Variants in TBC1D32 observed in about 807,000 individuals in gnomAD.
TBC1D32 encodes TBC1 domain family member 32, also known as protein broad-minded.
TBC1D32 carries 151 observed loss-of-function variants against 170.3 expected under a neutral mutation model. The ratio of observed to expected loss-of-function variants is 0.89; its 90% CI spans 0.78 to 1.01. The LOEUF is 1.01. Among genes scored for constraint, TBC1D32 ranks in the 50% least tolerant of loss-of-function variants. The pLI is 0.00. For synonymous variants in TBC1D32, 498 were observed against 488.0 expected, an observed-to-expected ratio of 1.02 and a Z score of -0.27; for missense variants, 1,464 against 1,457.1, an observed-to-expected ratio of 1.00 and a Z score of -0.08.
intron 15 of TBC1D32, among the ~76,000 whole-genome samples, chr6:121,271,692 G>A (rs1207999913): frequency 6.6e-6 from 1 of 152,086 alleles, no homozygotes; most frequent in African/African-American, 2.4e-5. Flanking sequence ...TACTGCCCAA[G>A]GTAATTTATA....
chr6:121,327,677 T>C, intron 1 of TBC1D32, among the ~76,000 whole-genome samples: 1 of 152,198 alleles, frequency 6.6e-6, no homozygotes, highest in East Asian at 1.9e-4. Flanking sequence ...AAGGCAAAGC[T>C]TCTATATAGT....
At chr6:121,322,852 CTAAA>C (rs1177538928) in intron 1 of TBC1D32, among the ~76,000 whole-genome samples, 1 of 152,124 alleles carries the variant, frequency 6.6e-6, no homozygotes, top group East Asian at 1.9e-4. Context: ...CTTATCTTTT[CTAAA>C]TGTTTGTTTT....
Position 121,115,165 on chromosome 6 carries a change from A to T in TBC1D32, c.3053+7T>A. 1 of 1,589,024 alleles carries T rather than the reference A, an allele frequency of 6.3e-7. No individual in the cohort carries two copies. The highest frequency in any genetic ancestry group is 1.2e-5 in the South Asian group (1 of 86,822). On this transcript the variant is annotated splice_region_variant and intron_variant, in intron 27 of 31. Transcript: ENST00000398212. ...ATGCACAAGGGAGCTATTTCCCTAT[A>T]ATATACCTGACAGTCATTTTAATGC...
chr6:121,285,811 A>C (rs1307186920), intron 12 of TBC1D32, among the ~76,000 whole-genome samples: 2 of 152,226 alleles, frequency 1.3e-5, no homozygotes, highest in Non-Finnish European at 2.9e-5. Context: ...ACAATCAGGC[A>C]GCAACATCTG....
At chr6:121,267,759 G>C (rs2128418086) in intron 15 of TBC1D32, among the ~76,000 whole-genome samples, 1 of 152,270 alleles carries the variant, frequency 6.6e-6, no homozygotes, top group Non-Finnish European at 1.5e-5. Flanking sequence ...GCTTTGAAGA[G>C]AGTAGTGGTT....
chr6:121,158,775 G>A (rs1785220682), intron 24 of TBC1D32, among the ~76,000 whole-genome samples: 1 of 152,162 alleles, frequency 6.6e-6, no homozygotes, highest in African/African-American at 2.4e-5. Context: ...TGTAATTTGG[G>A]CTTCTATCCA....
intron 22 of TBC1D32, among the ~76,000 whole-genome samples, chr6:121,196,413 G>T (rs1297455877): frequency 6.6e-6 from 1 of 152,196 alleles, no homozygotes; most frequent in African/African-American, 2.4e-5. Flanking sequence ...CTACCTGGTG[G>T]CAAGCTGCTT....
chr6:121,294,735 G>T, intron 10 of TBC1D32, 75 bp from the exon 11 acceptor site: 1 of 1,140,160 alleles, frequency 8.8e-7, no homozygotes, highest in Non-Finnish European at 1.3e-6. Flanking sequence ...ATTAGTCAAA[G>T]CTGTAAAAAT....
chr6:121,105,165 A>G (rs1245952686), intron 30 of TBC1D32, among the ~76,000 whole-genome samples: 1 of 152,078 alleles, frequency 6.6e-6, no homozygotes, highest in East Asian at 1.9e-4. Context: ...AATTATGGAC[A>G]TATCATTAAA....
chr6:121,334,467 G>A lies in TBC1D32; in HGVS notation c.-37C>T. 6.3e-7 allele frequency: 1 copy of A among 1,592,296 alleles called. No individual in the cohort carries two copies. Among genetic ancestry groups the A allele is most frequent in the Non-Finnish European group, 8.6e-7 (1 of 1,168,340 alleles). On this transcript the variant is annotated 5_prime_UTR_variant, in exon 1 of 32. Transcript: ENST00000398212. ...CAAACGTCCACTCTCATTACTCCAG[G>A]TCCGAGCAAAAGCCGCGCACTGCGC...
chr6:121,200,089 T>C (rs749636579), intron 22 of TBC1D32, among the ~76,000 whole-genome samples: 6 of 151,382 alleles, frequency 4.0e-5, no homozygotes, highest in Non-Finnish European at 8.8e-5. Flanking sequence ...TCTGTAAGTA[T>C]AGACTCCCAA....
At chr6:121,125,560 G>A (rs180862957) in intron 26 of TBC1D32, among the ~76,000 whole-genome samples, 264 of 147,438 alleles carry the variant, frequency 1.8e-3, no homozygotes, top group Middle Eastern at 3.6e-3. Context: ...CAGTTGCAAC[G>A]GGGGGGTCAG....
chr6:121,089,092 G>C (rs1776545969), intron 31 of TBC1D32, among the ~76,000 whole-genome samples: 1 of 152,020 alleles, frequency 6.6e-6, no homozygotes, highest in Admixed American at 6.6e-5. Context: ...AGTAATGTTT[G>C]TTATTTGATG....
At chr6:121,131,547 T>C (rs1425229515) in intron 25 of TBC1D32, 80 bp downstream of exon 25, 8 of 1,440,228 alleles carry the variant, frequency 5.6e-6, no homozygotes, top group East Asian at 2.3e-5. Context: ...CATATGCCAA[T>C]ACTAATCTTT....
intron 31 of TBC1D32, among the ~76,000 whole-genome samples, chr6:121,089,611 AC>A (rs1776604887): frequency 6.6e-6 from 1 of 152,124 alleles, no homozygotes; most frequent in Admixed American, 6.6e-5. Context: ...TTCTCAGCAT[AC>A]TTTTTCATTA....
At chr6:121,303,823 T>TC in intron 8 of TBC1D32, 62 bp from the exon 9 acceptor site, 1 of 1,152,486 alleles carries the variant, frequency 8.7e-7, no homozygotes, top group Non-Finnish European at 1.2e-6. Flanking sequence ...TACTTTATAT[T>TC]CATGGAATGA....
intron 26 of TBC1D32, among the ~76,000 whole-genome samples, chr6:121,120,543 C>T (rs1306233547): frequency 6.6e-6 from 1 of 151,986 alleles, no homozygotes; most frequent in Non-Finnish European, 1.5e-5. Context: ...TTTCCTATTA[C>T]TTCCCAACTT....
At position 121,296,284 on chromosome 6, in the gene TBC1D32, C is replaced by A. The variant is rs542456745; in HGVS notation, c.1141-1624G>T. On this transcript the variant is annotated intron_variant, in intron 10 of 31. Transcript: ENST00000398212. ...ATCCTTTCATTGTTATAAATGACAG[C>A]TGAGAGCATAACTATATGCTGAATC... Among the ~76,000 whole-genome samples, 3 of 152,206 alleles carry A rather than the reference C, an allele frequency of 2.0e-5. No individual in the cohort carries two copies. In the South Asian group the frequency reaches 6.2e-4, roughly 32 times the overall value.
rs1018102432 is a variant in TBC1D32, at chr6:121,200,976, C to T, written c.2570+4099G>A. Among the ~76,000 whole-genome samples, 15 of 151,416 alleles carry T rather than the reference C, an allele frequency of 9.9e-5. 1 individual carries two copies. Among genetic ancestry groups the T allele is most frequent in the African/African-American group, 3.7e-4 (15 of 40,742 alleles). ...TAGAGATACATTAGGGTAAGACACA[C>T]AATGGTGTCCAGAATTGCCAGTAAC... On this transcript the variant is annotated intron_variant, in intron 22 of 31. Transcript: ENST00000398212.
Sources: allele counts gnomAD v4.1 joint callset (sites outside exome capture counted in the v4.1 genomes callset), GRCh38; gene constraint gnomAD v4.1.1; transcripts MANE v1.5; gene names NCBI Gene and HGNC (gene_info 2026-07-23, HGNC 2026-07-21).